PTGER4: variants seen among roughly 807,000 people sequenced by gnomAD.
The protein encoded by PTGER4 is prostaglandin E receptor 4.
Under a neutral mutation model 33.2 loss-of-function variants are expected in PTGER4, and 11 were observed. The observed-to-expected ratio is 0.33, with a 90% CI of 0.21 to 0.55. PTGER4 has a LOEUF of 0.55. Among genes scored for constraint, PTGER4 ranks in the 20% least tolerant of loss-of-function variants. PTGER4 has a pLI of 0.92. For missense variants in PTGER4, 481 were observed against 650.2 expected, an observed-to-expected ratio of 0.74 and a Z score of 2.83; for synonymous variants, 275 against 281.5, an observed-to-expected ratio of 0.98 and a Z score of 0.23.
chr5:40,684,448 A>G (rs544267629), intron 2 of PTGER4, among the ~76,000 whole-genome samples: 13 of 152,346 alleles, frequency 8.5e-5, no homozygotes, highest in South Asian at 6.2e-4. Context: ...AAAGCTTGAT[A>G]TAATACCTAA....
rs1018317762 is a variant in PTGER4 at position 40,691,422 on chromosome 5, C to A, written c.868-357C>A. Among the ~76,000 whole-genome samples the A allele has an allele frequency of 6.6e-6, 1 of 152,168 alleles. No individual in the cohort carries two copies. Among genetic ancestry groups the A allele is most frequent in the Non-Finnish European group, 1.5e-5 (1 of 68,034 alleles). Reference sequence around the variant, plus strand: ...TTCTCAATCTCTTGACCTAGTGATCCGCCTACCTCGGCCTACCAAAATGCT... The same window carrying A: ...TTCTCAATCTCTTGACCTAGTGATCAGCCTACCTCGGCCTACCAAAATGCT... On this transcript the variant is annotated intron_variant, in intron 2 of 2. Coordinates refer to ENST00000302472, the MANE Select transcript of PTGER4 (RefSeq NM_000958.3). The surrounding 1 kb of genome is among the most constrained non-coding windows in gnomAD (Gnocchi z 4.2).
rs958430688 is a variant in PTGER4 at position 40,681,710 on chromosome 5, G to C, written c.717G>C (p.Arg239=). 1 of 1,588,150 alleles carries C rather than the reference G, an allele frequency of 6.3e-7. No homozygotes were observed. The highest frequency in any genetic ancestry group is 8.5e-7 in the Non-Finnish European group (1 of 1,171,690). ...CCGCGGCCGCCTCGGTTGCCTCCCGGGGCCACCCCGCTGCCTCCCCAGCCT... is the reference window on the plus strand; with the variant it reads ...CCGCGGCCGCCTCGGTTGCCTCCCGCGGCCACCCCGCTGCCTCCCCAGCCT... ...HAAAAASVAS[R]GHPAASPALP... The change falls in exon 2 of 3, where the codon CGG becomes CGC. Residue 239 remains arginine, a synonymous_variant. Coordinates refer to ENST00000302472, the MANE Select transcript of PTGER4 (RefSeq NM_000958.3). The surrounding 1 kb of genome is among the most constrained non-coding windows in gnomAD (Gnocchi z 9.8).
At chr5:40,724,655 CA>C in the PTGER4 span, among the ~76,000 whole-genome samples, 2 of 148,718 alleles carry the variant, frequency 1.3e-5, no homozygotes, top group Non-Finnish European at 3.0e-5. Context: ...AACAAACAAA[CA>C]AAAAAAAACA....
In PTGER4 at chr5:40,693,533, A is replaced by G. The variant is rs1741522421; in HGVS notation, c.*1155A>G. ...TTGGGGCACTTAATGGTCACCTTGT[A>G]ACAGTTTTGTGTAACTCCCAGTGAT... On this transcript the variant is annotated 3_prime_UTR_variant, in exon 3 of 3. Transcript: ENST00000302472. 3 of 985,806 alleles carry G rather than the reference A, an allele frequency of 3.0e-6. No homozygotes were observed. The highest frequency in any genetic ancestry group is 1.2e-4 in the Admixed American group (2 of 16,266). 61.1% of individuals were successfully genotyped at this position (985,806 alleles called of 1,614,324 possible).
At chr5:40,728,352 A>C in the PTGER4 span, 12 of 1,594,218 alleles carry the variant, frequency 7.5e-6, no homozygotes, top group East Asian at 2.3e-5. Context: ...CACCAGGATT[A>C]TCTCTCCTAA....
At chr5:40,697,094 G>GAA (rs749009924), downstream of PTGER4, among the ~76,000 whole-genome samples, 5 of 67,748 alleles carry the variant, frequency 7.4e-5, no homozygotes, top group Non-Finnish European at 1.3e-4. Flanking sequence ...AGGAAAGAAA[G>GAA]AGAAAAGAAA....
chr5:40,723,447 T>TA, the PTGER4 span, among the ~76,000 whole-genome samples: 4 of 147,942 alleles, frequency 2.7e-5, no homozygotes, highest in African/African-American at 7.5e-5. Context: ...TAAAAAAATT[T>TA]AAAAAAATTT....
chr5:40,693,182 T>C lies in PTGER4; in HGVS notation c.*804T>C, dbSNP rs2111817783. The stretch of plus-strand genomic sequence containing the variant: ...TATTACATTTATTTATCCAGAAAAC[T>C]GTGATTTCAGGAGAACCTAACATGC... On this transcript the variant is annotated 3_prime_UTR_variant, in exon 3 of 3. Transcript: ENST00000302472. 1 of 979,102 alleles carries C rather than the reference T, an allele frequency of 1.0e-6. No homozygotes were observed. The highest frequency in any genetic ancestry group is 1.2e-6 in the Non-Finnish European group (1 of 823,774). 60.7% of individuals were successfully genotyped at this position (979,102 alleles called of 1,614,324 possible). A position where few individuals can be genotyped will look rare whatever the true frequency, so the allele number is the denominator to read the frequency against.
chr5:40,712,475 C>A, the PTGER4 span, among the ~76,000 whole-genome samples: 3 of 152,096 alleles, frequency 2.0e-5, no homozygotes, highest in African/African-American at 7.2e-5. Flanking sequence ...CTGAAAAAGG[C>A]TAGGTTAGAG....
At chr5:40,718,076 A>G in the PTGER4 span, among the ~76,000 whole-genome samples, 1 of 151,566 alleles carries the variant, frequency 6.6e-6, no homozygotes, top group African/African-American at 2.4e-5. Flanking sequence ...AAAAAAAAAG[A>G]TTGCACATAA....
the PTGER4 span, among the ~76,000 whole-genome samples, chr5:40,706,031 C>T: frequency 3.9e-5 from 6 of 152,040 alleles, no homozygotes; most frequent in African/African-American, 9.7e-5. Context: ...TGCATGCAAA[C>T]GTTCATTGCA....
chr5:40,692,318 G>A lies in PTGER4; in HGVS notation c.1407G>A (p.Gly469=). The A allele has an allele frequency of 6.2e-7, 1 of 1,611,874 alleles. No individual in the cohort carries two copies. The highest frequency in any genetic ancestry group is 8.5e-7 in the Non-Finnish European group (1 of 1,178,874). Residue 469 remains glycine, a synonymous_variant, in exon 3 of 3, where the codon GGG becomes GGA. Coordinates refer to ENST00000302472, the MANE Select transcript of PTGER4 (RefSeq NM_000958.3). ...GCAGGGCTGGGCCTGCCCCTAAGGG[G>A]AGCTCCCTGCAAGTCACATTTCCCA... is the stretch of plus-strand genomic sequence containing the variant. ...GSGRAGPAPK[G]SSLQVTFPSE...
rs973808673 is a variant in PTGER4, at chr5:40,691,806, C to G, written c.895C>G (p.Gln299Glu). The G allele has an allele frequency of 1.9e-6, 3 of 1,613,798 alleles. No individual in the cohort carries two copies. The highest frequency in any genetic ancestry group is 1.7e-5 in the Admixed American group (1 of 59,990). The stretch of plus-strand genomic sequence containing the variant: ...GCGAGTATTCGTCAACCAGTTATAT[C>G]AGCCAAGTTTGGAGCGAGAAGTCAG... The part of the protein sequence containing the change: ...VVRVFVNQLY[Q>E]PSLEREVSKN... The change falls in exon 3 of 3, where the codon CAG becomes GAG. Residue 299 changes from glutamine to glutamate, a missense_variant. This residue lies in a region of PTGER4 where 174 missense variants were observed against 210.5 expected (regional missense o/e 0.83). Transcript: ENST00000302472. The surrounding 1 kb of genome is among the most constrained non-coding windows in gnomAD (Gnocchi z 4.2).
the PTGER4 span, among the ~76,000 whole-genome samples, chr5:40,709,683 CT>C: frequency 6.6e-6 from 1 of 151,854 alleles, no homozygotes; most frequent in South Asian, 2.1e-4. Context: ...GAAAAAACTA[CT>C]TTAAAGTTCA....
At chr5:40,697,264 AAGAAAGAAAGAAAG>A (rs1225706147), downstream of PTGER4, among the ~76,000 whole-genome samples, 6 of 121,154 alleles carry the variant, frequency 5.0e-5, no homozygotes, top group East Asian at 9.6e-4. Context: ...GAAAGAAAGA[AAGAAAGAAAGAAAG>A]AAAGAAAGAA....
At chr5:40,699,484 A>T in the PTGER4 span, among the ~76,000 whole-genome samples, 2 of 152,148 alleles carry the variant, frequency 1.3e-5, no homozygotes, top group African/African-American at 4.8e-5. Context: ...AGTAAGTGAA[A>T]ATACTTCTCA....
chr5:40,718,183 G>A, the PTGER4 span, among the ~76,000 whole-genome samples: 53 of 152,168 alleles, frequency 3.5e-4, no homozygotes, highest in Middle Eastern at 3.4e-3. Context: ...TTGGGAGGCC[G>A]AGGCGAAAGC....
chr5:40,719,896 T>C, the PTGER4 span, among the ~76,000 whole-genome samples: 1 of 152,238 alleles, frequency 6.6e-6, no homozygotes, highest in Non-Finnish European at 1.5e-5. Context: ...ATTTGTCTTT[T>C]TGTTATTGAG....
At chr5:40,696,907 G>A (rs1579653987), downstream of PTGER4, among the ~76,000 whole-genome samples, 1 of 151,504 alleles carries the variant, frequency 6.6e-6, no homozygotes, top group African/African-American at 2.4e-5. Flanking sequence ...ACTGAGGCAG[G>A]AGGGAAGTCT....
Sources: gnomAD v4.1 joint callset for allele counts (sites outside exome capture counted in the v4.1 genomes callset) on GRCh38, gnomAD v4.1.1 for gene constraint, gnomAD v4.1.1 regional missense constraint, Gnocchi (gnomAD v3.1) non-coding constraint, MANE v1.5 for transcripts, NCBI Gene and HGNC (gene_info 2026-07-23, HGNC 2026-07-21) for gene names.